Variants in STPG2 observed in about 807,000 individuals in gnomAD.
STPG2 encodes the protein sperm tail PG-rich repeat containing 2, also known as sperm-tail PG-rich repeat-containing protein 2.
STPG2 carries 56 observed loss-of-function variants against 54.2 expected under a neutral mutation model. The observed-to-expected ratio is 1.03, with a 90% confidence interval of 0.83 to 1.29. The LOEUF is 1.29. STPG2 is among the 50% of genes most tolerant of loss of function. STPG2 has a pLI of 0.00. For synonymous variants in STPG2, 200 were observed against 181.8 expected, an observed-to-expected ratio of 1.10 and a Z score of -0.81; for missense variants, 596 against 544.9, an observed-to-expected ratio of 1.09 and a Z score of -0.93.
chr4:97,782,534 C>T (rs1243353609), intron 9 of STPG2, among the ~76,000 whole-genome samples: 9 of 152,122 alleles, frequency 5.9e-5, no homozygotes, highest in Admixed American at 2.6e-4. Context: ...ATGCCATCCC[C>T]ATCAAGCTAC....
At chr4:98,090,335 C>T (rs11097606) in intron 5 of STPG2, among the ~76,000 whole-genome samples, 60,142 of 151,800 alleles carry the variant, frequency 0.4, 12,149 homozygotes, top group Middle Eastern at 0.46. Context: ...TTTTTGTATG[C>T]TTTGTCAAAG....
chr4:97,858,882 A>T (rs971171763), intron 8 of STPG2, among the ~76,000 whole-genome samples: 2 of 152,156 alleles, frequency 1.3e-5, no homozygotes, highest in Admixed American at 6.5e-5. Context: ...TCTTTTTCAC[A>T]TAACAACTTA....
intron 10 of STPG2, among the ~76,000 whole-genome samples, chr4:97,586,700 T>C (rs1384757191): frequency 2.6e-5 from 4 of 151,852 alleles, no homozygotes. Context: ...GAAAACACCA[T>C]CAACATGAAT....
chr4:98,138,012 G>A (rs1043892044), intron 1 of STPG2, among the ~76,000 whole-genome samples: 1 of 151,994 alleles, frequency 6.6e-6, no homozygotes, highest in Non-Finnish European at 1.5e-5. Context: ...TCATAGCTGT[G>A]TGCCTAATGT....
intron 2 of STPG2, among the ~76,000 whole-genome samples, chr4:98,131,006 C>T (rs914639760): frequency 6.6e-6 from 1 of 151,304 alleles, no homozygotes; most frequent in East Asian, 1.9e-4. Flanking sequence ...ACTCTCCCTT[C>T]GCTCCTGTAC....
chr4:97,976,874 C>T (rs1490062552), intron 6 of STPG2, among the ~76,000 whole-genome samples: 1 of 152,020 alleles, frequency 6.6e-6, no homozygotes, highest in Non-Finnish European at 1.5e-5. Context: ...CGGTAAGACC[C>T]AATCTTAGAG....
chr4:97,561,134 A>G (rs1315176046), intron 10 of STPG2, among the ~76,000 whole-genome samples: 3 of 151,862 alleles, frequency 2.0e-5, no homozygotes, highest in Non-Finnish European at 4.4e-5. Context: ...CTTTTTAATG[A>G]TTGCCATTCT....
At chr4:97,465,583 G>C (rs1729768623) in intron 4 of STPG2, among the ~76,000 whole-genome samples, 1 of 151,844 alleles carries the variant, frequency 6.6e-6, no homozygotes, top group Admixed American at 6.6e-5. Context: ...TGTATCCATA[G>C]GGGATTGGTT....
At chr4:97,786,307 C>T (rs1726822692) in intron 9 of STPG2, among the ~76,000 whole-genome samples, 1 of 151,594 alleles carries the variant, frequency 6.6e-6, no homozygotes, top group Admixed American at 6.6e-5. Flanking sequence ...GTATATCTCT[C>T]AATTAATTTA....
At chr4:97,808,073 G>C (rs1727625347) in intron 9 of STPG2, among the ~76,000 whole-genome samples, 1 of 151,836 alleles carries the variant, frequency 6.6e-6, no homozygotes, top group Non-Finnish European at 1.5e-5. Context: ...AAATATTTTA[G>C]ACACAATAAA....
intron 5 of STPG2, among the ~76,000 whole-genome samples, chr4:98,046,813 C>G (rs960411564): frequency 1.6e-4 from 25 of 152,134 alleles, no homozygotes; most frequent in African/African-American, 6.0e-4. Context: ...TTTTGTCACC[C>G]CTGGCTTCCA....
intron 10 of STPG2, among the ~76,000 whole-genome samples, chr4:97,678,471 A>C (rs1302376334): frequency 6.6e-6 from 1 of 152,156 alleles, no homozygotes. Context: ...CCTACTGATT[A>C]TAAAAAGAAA....
At chr4:98,025,788 T>C (rs917622203) in intron 5 of STPG2, 27 of 1,575,358 alleles carry the variant, frequency 1.7e-5, no homozygotes, top group Middle Eastern at 2.1e-4. Context: ...GTGGAAAGCA[T>C]TGATGGTCCG....
At chr4:97,785,252 A>G (rs1461197251) in intron 9 of STPG2, among the ~76,000 whole-genome samples, 4 of 152,092 alleles carry the variant, frequency 2.6e-5, no homozygotes, top group African/African-American at 9.6e-5. Context: ...ACCTAGAAGT[A>G]TATATACCCT....
intron 10 of STPG2, among the ~76,000 whole-genome samples, chr4:97,643,022 A>C (rs1721807967): frequency 6.6e-6 from 1 of 151,568 alleles, no homozygotes; most frequent in Non-Finnish European, 1.5e-5. Flanking sequence ...TGAATGAATC[A>C]ATCAATCATG....
chr4:97,878,898 T>C (rs898244831), intron 8 of STPG2, among the ~76,000 whole-genome samples: 6 of 152,132 alleles, frequency 3.9e-5, no homozygotes, highest in African/African-American at 1.4e-4. Flanking sequence ...GTTTCCCTTT[T>C]AAAACTGAAT....
chr4:97,906,614 T>C (rs538945676), intron 8 of STPG2, among the ~76,000 whole-genome samples: 2,593 of 152,194 alleles, frequency 0.017, 74 homozygotes, highest in African/African-American at 0.059. Flanking sequence ...GCAAAAATCC[T>C]CAATAAAATA....
chr4:98,004,404 G>C (rs187730926), intron 5 of STPG2, among the ~76,000 whole-genome samples: 1 of 152,154 alleles, frequency 6.6e-6, no homozygotes, highest in East Asian at 1.9e-4. Context: ...TGAACATTAG[G>C]TTGATTCCAT....
At chr4:98,090,392 A>T (rs1439489818) in intron 5 of STPG2, among the ~76,000 whole-genome samples, 1 of 151,940 alleles carries the variant, frequency 6.6e-6, no homozygotes, top group South Asian at 2.1e-4. Flanking sequence ...TGGGTTTTCT[A>T]TTCTGTTTCA....
Sources: allele counts gnomAD v4.1 joint callset (sites outside exome capture counted in the v4.1 genomes callset), GRCh38; gene constraint gnomAD v4.1.1; transcripts MANE v1.5; gene names NCBI Gene and HGNC (gene_info 2026-07-23, HGNC 2026-07-21).